The following SCAPER variants were observed in gnomAD, a reference collection of about 807,000 sequenced individuals.
SCAPER encodes the protein S phase cyclin A-associated protein in the endoplasmic reticulum.
In SCAPER, 98 loss-of-function variants were observed where a neutral mutation model predicts 182.2. That is an observed-to-expected ratio of 0.54 (90% CI 0.46 to 0.64). SCAPER has a LOEUF of 0.64. Ranked by LOEUF, SCAPER falls within the 30% of genes least tolerant of loss-of-function variation. SCAPER has a pLI of 0.00. For synonymous variants in SCAPER, 605 were observed against 564.6 expected, an observed-to-expected ratio of 1.07 and a Z score of -1.01; for missense variants, 1,432 against 1,690.0, an observed-to-expected ratio of 0.85 and a Z score of 2.68.
chr15:76,351,755 T>G (rs1464735430), intron 30 of SCAPER, among the ~76,000 whole-genome samples: 1 of 152,236 alleles, frequency 6.6e-6, no homozygotes, highest in African/African-American at 2.4e-5. Context: ...CATTTTCTAG[T>G]AACTCAGTTA....
At position 76,404,705 on chromosome 15, in the gene SCAPER, T is replaced by A. The variant is rs138877580; in HGVS notation, c.3312-26A>T. ...CTAGATATGGGGGAGAAATGCATGT[T>A]ATCAATCTGAATAGGCCAGCAACAT... On this transcript the variant is annotated intron_variant, in intron 26 of 31. Transcript: ENST00000563290. 200 of 1,603,202 alleles carry A rather than the reference T, an allele frequency of 1.2e-4. No individual in the cohort carries two copies. The African/African-American group carries it at 2.3e-3, about 18-fold the overall frequency.
At chr15:76,527,107 C>T (rs907623165) in intron 23 of SCAPER, among the ~76,000 whole-genome samples, 8 of 152,102 alleles carry the variant, frequency 5.3e-5, no homozygotes, top group Non-Finnish European at 1.2e-4. Flanking sequence ...AACTCCTGAC[C>T]GCAGATGATC....
At chr15:76,674,658 C>T (rs2057254962) in intron 20 of SCAPER, among the ~76,000 whole-genome samples, 1 of 152,074 alleles carries the variant, frequency 6.6e-6, no homozygotes, top group Admixed American at 6.5e-5. Flanking sequence ...AAGATGGGTC[C>T]CTGAAAAAAT....
chr15:76,793,582 C>T lies in SCAPER; in HGVS notation c.772+1698G>A, dbSNP rs145948236. Among the ~76,000 whole-genome samples, 13 of 152,310 alleles carry T rather than the reference C, an allele frequency of 8.5e-5. No homozygotes were observed. The East Asian group carries it at 2.5e-3, about 29-fold the overall frequency. On this transcript the variant is annotated intron_variant, in intron 8 of 31. Coordinates refer to ENST00000563290, the MANE Select transcript of SCAPER (RefSeq NM_020843.4). ...GTTAGGGAATGTCTGGATAGCTGAA[C>T]ACTTGAAGGTTCCTAGAGGGTTGTG...
chr15:76,723,087 C>A (rs143276231), intron 17 of SCAPER, among the ~76,000 whole-genome samples: 5 of 152,086 alleles, frequency 3.3e-5, no homozygotes, highest in Admixed American at 3.3e-4. Context: ...TTTCCCTCTA[C>A]ACACTGCTTT....
intron 21 of SCAPER, among the ~76,000 whole-genome samples, chr15:76,648,641 T>C (rs888060321): frequency 7.2e-5 from 11 of 152,322 alleles, no homozygotes; most frequent in Non-Finnish European, 1.3e-4. Context: ...TTTAGGCAGA[T>C]AGTAAGAATA....
intron 29 of SCAPER, among the ~76,000 whole-genome samples, chr15:76,360,635 G>A (rs1418649777): frequency 6.6e-6 from 1 of 152,168 alleles, no homozygotes; most frequent in Non-Finnish European, 1.5e-5. Flanking sequence ...ATGACATACT[G>A]CCATTCAAAT....
intron 6 of SCAPER, among the ~76,000 whole-genome samples, chr15:76,801,542 A>C (rs914714699): frequency 7.2e-5 from 11 of 152,236 alleles, no homozygotes; most frequent in Admixed American, 7.2e-4. Flanking sequence ...AATGCCATCT[A>C]TAGAGCACTT....
chr15:76,747,996 C>T (rs147206512), intron 15 of SCAPER, among the ~76,000 whole-genome samples: 52,330 of 131,980 alleles, frequency 0.4, 11,669 homozygotes, highest in Admixed American at 0.54. Flanking sequence ...TTTTTTTTTC[C>T]TTTTTTTTTT....
intron 24 of SCAPER, among the ~76,000 whole-genome samples, chr15:76,485,974 G>A (rs955722959): frequency 2.6e-5 from 4 of 152,102 alleles, no homozygotes; most frequent in African/African-American, 7.2e-5. Flanking sequence ...TTGGGAGGCC[G>A]AGGTGGGCAG....
intron 8 of SCAPER, among the ~76,000 whole-genome samples, chr15:76,791,480 G>T (rs1256517001): frequency 1.3e-5 from 2 of 152,118 alleles, no homozygotes; most frequent in African/African-American, 4.8e-5. Context: ...CAGGGGAAGT[G>T]AGTCCTGGCA....
chr15:76,519,530 C>T (rs910689984), intron 23 of SCAPER, among the ~76,000 whole-genome samples: 2 of 152,276 alleles, frequency 1.3e-5, no homozygotes, highest in Non-Finnish European at 2.9e-5. Context: ...AGCTATAGCC[C>T]AGAACATCTA....
intron 25 of SCAPER, among the ~76,000 whole-genome samples, chr15:76,454,986 C>T (rs2142883983): frequency 6.6e-6 from 1 of 152,180 alleles, no homozygotes; most frequent in Non-Finnish European, 1.5e-5. Context: ...TTCAAATGCA[C>T]TGGTATAAAG....
intron 29 of SCAPER, among the ~76,000 whole-genome samples, chr15:76,368,652 A>G (rs894569967): frequency 6.6e-6 from 1 of 152,206 alleles, no homozygotes; most frequent in African/African-American, 2.4e-5. Context: ...AGAGAGCTCA[A>G]TGGGGGCAAA....
intron 22 of SCAPER, among the ~76,000 whole-genome samples, chr15:76,575,511 C>G (rs1597461730): frequency 6.6e-6 from 1 of 152,216 alleles, no homozygotes; most frequent in East Asian, 1.9e-4. Context: ...CACTCATCTT[C>G]TTCTCTGTTC....
intron 20 of SCAPER, among the ~76,000 whole-genome samples, chr15:76,697,535 C>T (rs776995041): frequency 4.6e-5 from 7 of 152,002 alleles, no homozygotes; most frequent in Non-Finnish European, 8.8e-5. Flanking sequence ...TAAAAACATG[C>T]GAAATTTATA....
intron 23 of SCAPER, among the ~76,000 whole-genome samples, chr15:76,530,304 C>T (rs1186868014): frequency 2.6e-5 from 4 of 152,116 alleles, no homozygotes; most frequent in Non-Finnish European, 5.9e-5. Context: ...GCAACTTATC[C>T]TTATCTTTTA....
chr15:76,732,512 A>C (rs2060974343), intron 16 of SCAPER, among the ~76,000 whole-genome samples: 1 of 143,986 alleles, frequency 6.9e-6, no homozygotes, highest in African/African-American at 2.6e-5. Flanking sequence ...GGGCCACCAG[A>C]GGGCTGCTTG....
intron 16 of SCAPER, among the ~76,000 whole-genome samples, chr15:76,732,861 G>A (rs1268974016): frequency 6.6e-6 from 1 of 152,176 alleles, no homozygotes; most frequent in East Asian, 1.9e-4. Context: ...AATGGCGTAA[G>A]CTGTCTCTCT....
Sources: allele counts gnomAD v4.1 joint callset (sites outside exome capture counted in the v4.1 genomes callset), GRCh38; gene constraint gnomAD v4.1.1; transcripts MANE v1.5; gene names NCBI Gene and HGNC (gene_info 2026-07-23, HGNC 2026-07-21).